The following TCEANC2 variants were observed in gnomAD, a reference collection of about 807,000 sequenced individuals.
TCEANC2 encodes transcription elongation factor A N-terminal and central domain containing 2.
Under a neutral mutation model 22.8 loss-of-function variants are expected in TCEANC2, and 20 were observed. The ratio of observed to expected loss-of-function variants is 0.88; its 90% CI spans 0.62 to 1.28. The LOEUF (loss-of-function observed/expected upper bound fraction) is 1.28, where lower values mean the gene tolerates loss of function less well. Among genes scored for constraint, TCEANC2 ranks in the 50% most tolerant of loss-of-function variants. TCEANC2 has a pLI of 0.00. For missense variants in TCEANC2, 251 were observed against 249.7 expected (o/e 1.01, Z -0.03); for synonymous variants, 84 against 95.5 (o/e 0.88, Z 0.70).
chr1:54,112,192 AC>A lies in TCEANC2; in HGVS notation n.2212del, dbSNP rs1450745370. On this transcript the variant is annotated non_coding_transcript_exon_variant, in exon 5 of 5. Transcript: ENST00000498272. ...ACCCCAATTCTACAAAACAACAACA[AC>A]AACAACAACAACAACAACAACAAAT... 4 of 151,738 alleles carry A rather than the reference AC, an allele frequency of 2.6e-5. No individual in the cohort carries two copies. In the East Asian group the frequency reaches 7.8e-4, roughly 29 times the overall value. The allele number at this position is 151,738 out of a possible 1,614,324, so 9.4% of individuals were successfully genotyped here.
At position 54,101,764 on chromosome 1, in the gene TCEANC2, C is replaced by T. The variant is rs148623842; in HGVS notation, c.*5291C>T. On this transcript the variant is annotated 3_prime_UTR_variant, in exon 5 of 5. Transcript: ENST00000234827. Reference sequence around the variant, plus strand: ...TTCAAGCAAGCCTCCTACCTCAAGCCTCCCAAGTGTCTGGGACCATAGGTA... The same window carrying T: ...TTCAAGCAAGCCTCCTACCTCAAGCTTCCCAAGTGTCTGGGACCATAGGTA... The T allele has an allele frequency of 6.6e-5, 10 of 152,330 alleles. No homozygotes were observed. In the East Asian group the frequency reaches 1.9e-3, roughly 29 times the overall value. The allele number at this position is 152,330 out of a possible 1,614,324, so 9.4% of individuals were successfully genotyped here.
intron 2 of TCEANC2, among the ~76,000 whole-genome samples, chr1:54,055,906 C>G (rs548791715): frequency 6.6e-6 from 1 of 152,254 alleles, no homozygotes; most frequent in East Asian, 1.9e-4. Context: ...TCAAGGGGTG[C>G]TATTGTTGTA....
intron 3 of TCEANC2, among the ~76,000 whole-genome samples, chr1:54,082,649 G>A (rs1422690924): frequency 6.6e-6 from 1 of 152,110 alleles, no homozygotes; most frequent in Non-Finnish European, 1.5e-5. Flanking sequence ...ACAGGGACAT[G>A]CAAGCTGCTC....
rs1005498898 is a variant in TCEANC2, at chr1:54,053,743, A to G, written c.-58A>G. On this transcript the variant is annotated 5_prime_UTR_variant, in exon 1 of 5. Transcript: ENST00000234827. ...CTGGAGGGCGCCAACAGCAGCTACC[A>G]GGGCTGCTTTTCCTGGTGGGTCTCA... The G allele has an allele frequency of 1.3e-5, 2 of 153,442 alleles. No individual in the cohort carries two copies. Among genetic ancestry groups the G allele is most frequent in the Admixed American group, 1.3e-4 (2 of 15,332 alleles). 9.5% of individuals were successfully genotyped at this position (153,442 alleles called of 1,614,324 possible).
At chr1:54,108,528 G>T (rs576092156), downstream of TCEANC2, among the ~76,000 whole-genome samples, 2 of 152,284 alleles carry the variant, frequency 1.3e-5, no homozygotes, top group African/African-American at 4.8e-5. Flanking sequence ...AAGGAGAGAG[G>T]CCTCAGAAGA....
chr1:54,096,739 A>G lies in TCEANC2; in HGVS notation c.*266A>G, dbSNP rs1570027298. The G allele has an allele frequency of 8.6e-7, 1 of 1,167,234 alleles. No homozygotes were observed. Among genetic ancestry groups the G allele is most frequent in the East Asian group, 3.9e-5 (1 of 25,536 alleles). 72.3% of individuals were successfully genotyped at this position (1,167,234 alleles called of 1,614,324 possible). A position where few individuals can be genotyped will look rare whatever the true frequency, so the allele number is the denominator to read the frequency against. On this transcript the variant is annotated 3_prime_UTR_variant, in exon 5 of 5. Coordinates refer to ENST00000234827, the MANE Select transcript of TCEANC2 (RefSeq NM_153035.3). The surrounding 1 kb of genome is among the most constrained non-coding windows in gnomAD (Gnocchi z 4.9). ...AGCGCCATACGGTTGCTATCACCCA[A>G]CATGGTGAAAGGGTGATGGATTTCA...
chr1:54,074,196 G>T (rs1658105758), intron 3 of TCEANC2, among the ~76,000 whole-genome samples: 2 of 152,196 alleles, frequency 1.3e-5, no homozygotes, highest in African/African-American at 4.8e-5. Context: ...GGGCGCAGTG[G>T]CTCAGGCCTG....
In TCEANC2 at chr1:54,097,516, A is replaced by G. The variant is rs192554219; in HGVS notation, c.*1043A>G. On this transcript the variant is annotated 3_prime_UTR_variant, in exon 5 of 5. Coordinates refer to ENST00000234827, the MANE Select transcript of TCEANC2 (RefSeq NM_153035.3). The stretch of plus-strand genomic sequence containing the variant: ...TAGAAGGGGAGAGATTTAAAATCCA[A>G]AAAAAAGGAAGATGAGTTGAAAAGC... 2.2e-4 allele frequency: 34 copies of G among 152,232 alleles called. No homozygotes were observed. The highest frequency in any genetic ancestry group is 8.2e-4 in the African/African-American group (34 of 41,532). The allele number at this position is 152,232 out of a possible 1,614,324, so 9.4% of individuals were successfully genotyped here.
At chr1:54,059,312 C>T (rs775205334) in intron 2 of TCEANC2, among the ~76,000 whole-genome samples, 20 of 152,090 alleles carry the variant, frequency 1.3e-4, no homozygotes, top group Non-Finnish European at 2.4e-4. Context: ...GCCACCACAC[C>T]GAACTAATTT....
rs1658582098 is a variant in TCEANC2 at position 54,097,556 on chromosome 1, C to CG, written c.*1086dup. On this transcript the variant is annotated 3_prime_UTR_variant, in exon 5 of 5. Coordinates refer to ENST00000234827, the MANE Select transcript of TCEANC2 (RefSeq NM_153035.3). ...AGTTGAAAAGCAAGGGGAGAAGGGA[C>CG]GGGACTAACATTATTGCCTACCTTC... The CG allele has an allele frequency of 1.3e-5, 2 of 152,088 alleles. No homozygotes were observed. The highest frequency in any genetic ancestry group is 4.1e-4 in the South Asian group (2 of 4,832). The allele number at this position is 152,088 out of a possible 1,614,324, so 9.4% of individuals were successfully genotyped here.
chr1:54,098,888 G>A lies in TCEANC2; in HGVS notation c.*2415G>A, dbSNP rs1476690171. The A allele has an allele frequency of 6.6e-6, 1 of 152,294 alleles. No individual in the cohort carries two copies. The highest frequency in any genetic ancestry group is 1.5e-5 in the Non-Finnish European group (1 of 68,064). The allele number at this position is 152,294 out of a possible 1,614,324, so 9.4% of individuals were successfully genotyped here. On this transcript the variant is annotated 3_prime_UTR_variant, in exon 5 of 5. Transcript: ENST00000234827. The stretch of plus-strand genomic sequence containing the variant: ...GGGTGGTTGAGATGCATGCCTGGCA[G>A]AGCAAGCAGAGTATGGAAAAACCCA...
intron 3 of TCEANC2, among the ~76,000 whole-genome samples, chr1:54,072,262 G>A (rs963630879): frequency 1.3e-5 from 2 of 152,000 alleles, no homozygotes; most frequent in African/African-American, 4.8e-5. Flanking sequence ...GCATTGTGTG[G>A]TAATGTCTTC....
At chr1:54,059,833 A>G (rs1023105274) in intron 2 of TCEANC2, among the ~76,000 whole-genome samples, 1 of 152,252 alleles carries the variant, frequency 6.6e-6, no homozygotes, top group Non-Finnish European at 1.5e-5. Context: ...TAGGGTTTTG[A>G]TAGTAAAGTA....
At chr1:54,053,915 G>T (rs1367831689) in intron 1 of TCEANC2, among the ~76,000 whole-genome samples, 157 bp downstream of exon 1, 1 of 152,078 alleles carries the variant, frequency 6.6e-6, no homozygotes, top group Non-Finnish European at 1.5e-5. Flanking sequence ...GGGATGCTGC[G>T]TATTGTGAGA....
chr1:54,080,758 T>G (rs1406311749), intron 3 of TCEANC2, among the ~76,000 whole-genome samples: 1 of 152,260 alleles, frequency 6.6e-6, no homozygotes, highest in Non-Finnish European at 1.5e-5. Context: ...TGCAGGGAAT[T>G]TGTCTTAACA....
In TCEANC2 at chr1:54,056,317, C is replaced by CTTTT. The variant is rs59118907; in HGVS notation, c.102+1799_102+1802dup. ...ATATTCTTTTCTTTTCTTTTCTTTT[C>CTTTT]TTTTTTTTTGAGACGGAGTTTTGCA... On this transcript the variant is annotated intron_variant, in intron 2 of 4. Coordinates refer to ENST00000234827, the MANE Select transcript of TCEANC2 (RefSeq NM_153035.3). 3.4e-3 allele frequency among the ~76,000 whole-genome samples: 508 copies of CTTTT among 148,804 alleles called. 2 individuals are homozygous for CTTTT. Among genetic ancestry groups the CTTTT allele is most frequent in the African/African-American group, 0.012 (471 of 39,534 alleles).
intron 3 of TCEANC2, among the ~76,000 whole-genome samples, chr1:54,071,559 C>T (rs1023482707): frequency 5.9e-5 from 9 of 152,162 alleles, no homozygotes; most frequent in Admixed American, 2.0e-4. Flanking sequence ...ATGGAAGCCA[C>T]GGTCTTTTAT....
chr1:54,057,124 T>C (rs1018300570), intron 2 of TCEANC2, among the ~76,000 whole-genome samples: 1 of 151,906 alleles, frequency 6.6e-6, no homozygotes, highest in African/African-American at 2.4e-5. Flanking sequence ...ACCTCTTCCT[T>C]GTTCTCCTGT....
At chr1:54,086,487 G>A (rs1226210922) in intron 3 of TCEANC2, among the ~76,000 whole-genome samples, 1 of 152,210 alleles carries the variant, frequency 6.6e-6, no homozygotes, top group African/African-American at 2.4e-5. Flanking sequence ...AACAAGAGAA[G>A]TAAGAGTATT....
Sources: gnomAD v4.1 joint callset for allele counts (sites outside exome capture counted in the v4.1 genomes callset) on GRCh38, gnomAD v4.1.1 for gene constraint, Gnocchi (gnomAD v3.1) non-coding constraint, MANE v1.5 for transcripts, NCBI Gene and HGNC (gene_info 2026-07-23, HGNC 2026-07-21) for gene names.